The following CCDC85A variants were observed in gnomAD, a reference collection of about 807,000 sequenced individuals.
CCDC85A encodes coiled-coil domain containing 85A, also known as coiled-coil domain-containing protein 85A.
CCDC85A carries 38 observed loss-of-function variants against 50.2 expected under a neutral mutation model. The observed-to-expected ratio is 0.76, with a 90% CI of 0.58 to 0.99. The LOEUF is 0.99. Among genes scored for constraint, CCDC85A ranks in the 50% least tolerant of loss-of-function variants. The pLI is 0.00. For synonymous variants in CCDC85A, 366 were observed against 301.4 expected (o/e 1.21, Z -2.22); for missense variants, 820 against 742.0 (o/e 1.11, Z -1.22).
intron 2 of CCDC85A, among the ~76,000 whole-genome samples, chr2:56,285,618 T>G (rs1671410011): frequency 6.7e-6 from 1 of 148,896 alleles, no homozygotes; most frequent in Non-Finnish European, 1.5e-5. Flanking sequence ...ACTTCATGTT[T>G]AAGAATTTTT....
chr2:56,334,209 C>T (rs779286802), intron 2 of CCDC85A, among the ~76,000 whole-genome samples: 3 of 152,140 alleles, frequency 2.0e-5, no homozygotes, highest in African/African-American at 7.2e-5. Context: ...CTGTCTTCAC[C>T]GCTGGAATGT....
chr2:56,345,182 GGTTCATTTTGTTTT>G (rs1379923022), intron 3 of CCDC85A, among the ~76,000 whole-genome samples: 4 of 151,978 alleles, frequency 2.6e-5, no homozygotes, highest in Non-Finnish European at 5.9e-5. Context: ...AAGGTTTTTT[GGTTCATTTTGTTTT>G]GTTTCATTTT....
At position 56,384,974 on chromosome 2, in the gene CCDC85A, C is replaced by T. The variant is rs1676757916; in HGVS notation, c.*619C>T. 1 of 152,274 alleles carries T rather than the reference C, an allele frequency of 6.6e-6. No individual in the cohort carries two copies. The highest frequency in any genetic ancestry group is 2.4e-5 in the African/African-American group (1 of 41,354). 9.4% of individuals were successfully genotyped at this position (152,274 alleles called of 1,614,324 possible). ...AAAATACCATGTAAATTCTCCCTAC[C>T]AGCTAGAAGGGTAGCAAGACGTTGT... On this transcript the variant is annotated 3_prime_UTR_variant, in exon 6 of 6. Coordinates refer to ENST00000407595, the MANE Select transcript of CCDC85A (RefSeq NM_001080433.2).
chr2:56,276,111 G>A (rs1330435566), intron 2 of CCDC85A, among the ~76,000 whole-genome samples: 2 of 151,946 alleles, frequency 1.3e-5, no homozygotes, highest in Non-Finnish European at 2.9e-5. Context: ...ATAGATTTGG[G>A]GCGTCTCCCC....
At chr2:56,196,752 A>T (rs1387755493) in intron 2 of CCDC85A, among the ~76,000 whole-genome samples, 1 of 152,214 alleles carries the variant, frequency 6.6e-6, no homozygotes, top group Non-Finnish European at 1.5e-5. Context: ...GACATAATGA[A>T]TGCAGAAGAA....
intron 2 of CCDC85A, among the ~76,000 whole-genome samples, chr2:56,213,634 CAG>C (rs1365273975): frequency 6.6e-6 from 1 of 151,938 alleles, no homozygotes; most frequent in Non-Finnish European, 1.5e-5. Context: ...CTAGGCCAAA[CAG>C]AGATTGAACT....
Position 56,192,953 on chromosome 2 carries a change from C to T in CCDC85A, c.753C>T (p.His251=), listed in dbSNP as rs1676362910. The T allele has an allele frequency of 6.2e-7, 1 of 1,611,906 alleles. No individual in the cohort carries two copies. The highest frequency in any genetic ancestry group is 8.5e-7 in the Non-Finnish European group (1 of 1,179,370). ...RSEGSPEHSK[H]RSASPEHPQK... ...AGGGCAGCCCGGAGCACTCCAAGCA[C>T]AGGAGCGCCAGCCCCGAGCATCCAC... The change falls in exon 2 of 6, where the codon CAC becomes CAT. Residue 251 remains histidine (H), a synonymous_variant. Transcript: ENST00000407595. The surrounding 1 kb of genome is among the most constrained non-coding windows in gnomAD (Gnocchi z 4.7).
Position 56,342,196 on chromosome 2 carries a change from C to CTTCT in CCDC85A, c.1241-681_1241-680insCTTT, listed in dbSNP as rs113818898. Among the ~76,000 whole-genome samples the CTTCT allele has an allele frequency of 2.1e-3, 315 of 148,012 alleles. 3 individuals are homozygous for CTTCT. The highest frequency in any genetic ancestry group is 0.019 in the East Asian group (94 of 5,064). ...TCACCACCTATAATTTTCTCTAATA[C>CTTCT]TTTTTTTTTTTTAAATTGACCTCAA... On this transcript the variant is annotated intron_variant, in intron 2 of 5. Transcript: ENST00000407595.
chr2:56,346,900 G>C (rs1439135239), intron 3 of CCDC85A, among the ~76,000 whole-genome samples: 1 of 152,118 alleles, frequency 6.6e-6, no homozygotes, highest in Non-Finnish European at 1.5e-5. Flanking sequence ...CCACTGCATG[G>C]ATATGTGATG....
intron 2 of CCDC85A, among the ~76,000 whole-genome samples, chr2:56,298,061 A>G (rs1573203221): frequency 6.6e-6 from 1 of 152,166 alleles, no homozygotes; most frequent in Non-Finnish European, 1.5e-5. Flanking sequence ...AGGCATCAGA[A>G]CCATCTTGCA....
intron 2 of CCDC85A, among the ~76,000 whole-genome samples, chr2:56,341,117 C>T (rs538551382): frequency 2.8e-4 from 42 of 152,236 alleles, no homozygotes; most frequent in Non-Finnish European, 5.3e-4. Context: ...GGAGCATGTG[C>T]AGTGTGTTTA....
intron 2 of CCDC85A, among the ~76,000 whole-genome samples, chr2:56,281,956 A>G (rs1671224865): frequency 1.3e-5 from 2 of 152,164 alleles, no homozygotes; most frequent in South Asian, 2.1e-4. Flanking sequence ...TATCCATTTA[A>G]AAATTTTGTG....
intron 2 of CCDC85A, among the ~76,000 whole-genome samples, chr2:56,262,453 C>T (rs1670259893): frequency 6.6e-6 from 1 of 152,100 alleles, no homozygotes; most frequent in Non-Finnish European, 1.5e-5. Flanking sequence ...TCCTTGGCTT[C>T]TAAGGGTTTT....
rs67738219 is a variant in CCDC85A, at chr2:56,357,655, CTTT to C, written c.1318-14675_1318-14673del. ...TCATGGAAGGGATAGTGTCCATTTC[CTTT>C]TTTTTTTTTTTTTGCTATGTTCTTT... On this transcript the variant is annotated intron_variant, in intron 3 of 5. Transcript: ENST00000407595. Among the ~76,000 whole-genome samples, 50 of 114,640 alleles carry C rather than the reference CTTT, an allele frequency of 4.4e-4. 2 individuals are homozygous for C. Among genetic ancestry groups the C allele is most frequent in the African/African-American group, 1.6e-3 (47 of 29,598 alleles). 75.2% of individuals were successfully genotyped at this position (114,640 alleles called of 152,430 possible).
chr2:56,352,475 A>G (rs1371156943), intron 3 of CCDC85A, among the ~76,000 whole-genome samples: 1 of 151,996 alleles, frequency 6.6e-6, no homozygotes, highest in Admixed American at 6.6e-5. Context: ...CCTCCTGAGT[A>G]GCTGGGATTA....
intron 2 of CCDC85A, among the ~76,000 whole-genome samples, chr2:56,262,696 C>T (rs753761575): frequency 5.3e-5 from 8 of 152,162 alleles, no homozygotes; most frequent in South Asian, 2.1e-4. Context: ...ATCTCATGCT[C>T]GAAGTCAGTT....
intron 2 of CCDC85A, among the ~76,000 whole-genome samples, chr2:56,308,043 T>C (rs1385935869): frequency 6.6e-6 from 1 of 152,216 alleles, no homozygotes; most frequent in South Asian, 2.1e-4. Context: ...TAGCTTCCTA[T>C]TTCTACTCTC....
intron 1 of CCDC85A, chr2:56,185,832 G>A (rs1276344998): frequency 4.6e-5 from 7 of 152,426 alleles, no homozygotes; most frequent in Non-Finnish European, 8.8e-5. Flanking sequence ...CTTCCAGCTA[G>A]CGCTGGTGCC....
chr2:56,329,943 CTGTTTTTTTTTTTTT>C (rs1240887805), intron 2 of CCDC85A, among the ~76,000 whole-genome samples: 8 of 22,896 alleles, frequency 3.5e-4, no homozygotes, highest in South Asian at 1.9e-3. Context: ...TACAGATTTC[CTGTTTTTTTTTTTTT>C]TTTTTTTTTT....
Sources: allele counts gnomAD v4.1 joint callset (sites outside exome capture counted in the v4.1 genomes callset), GRCh38; gene constraint gnomAD v4.1.1; non-coding constraint Gnocchi (gnomAD v3.1); transcripts MANE v1.5; gene names NCBI Gene and HGNC (gene_info 2026-07-23, HGNC 2026-07-21).